HCN1: variants seen among roughly 807,000 people sequenced by gnomAD.
HCN1 encodes potassium/sodium hyperpolarization-activated cyclic nucleotide-gated channel 1.
Under a neutral mutation model 78.9 loss-of-function variants are expected in HCN1, and 13 were observed. The observed-to-expected ratio is 0.16, with a 90% CI of 0.11 to 0.26. The LOEUF (loss-of-function observed/expected upper bound fraction) is 0.26, where lower values mean the gene tolerates loss of function less well. Ranked by LOEUF, HCN1 falls within the 10% of genes least tolerant of loss-of-function variation. The pLI is 1.00. For missense variants in HCN1, 810 were observed against 1,154.3 expected, an observed-to-expected ratio of 0.70 and a Z score of 4.32; for synonymous variants, 552 against 455.5, an observed-to-expected ratio of 1.21 and a Z score of -2.70.
intron 1 of HCN1, among the ~76,000 whole-genome samples, chr5:45,650,970 G>A (rs1485200475): frequency 2.6e-5 from 4 of 151,558 alleles, no homozygotes; most frequent in East Asian, 1.9e-4. Context: ...TTAAATAATC[G>A]TCATACTTTA....
intron 4 of HCN1, among the ~76,000 whole-genome samples, chr5:45,386,952 G>C (rs1012983083): frequency 6.6e-6 from 1 of 151,956 alleles, no homozygotes; most frequent in Admixed American, 6.6e-5. Context: ...CAGTAAGTGG[G>C]AGACAGCAAG....
chr5:45,396,445 T>C, intron 4 of HCN1, 47 bp downstream of exon 4: 4 of 1,440,662 alleles, frequency 2.8e-6, no homozygotes, highest in Non-Finnish European at 3.9e-6. Flanking sequence ...AATTTACTGG[T>C]TCAGGTTAGC....
At chr5:45,468,651 G>T (rs996575181) in intron 2 of HCN1, among the ~76,000 whole-genome samples, 1 of 151,838 alleles carries the variant, frequency 6.6e-6, no homozygotes, top group Non-Finnish European at 1.5e-5. Flanking sequence ...GTTTTTTATG[G>T]AAACTTGTTA....
chr5:45,601,007 A>G (rs1327816891), intron 2 of HCN1, among the ~76,000 whole-genome samples: 1 of 152,150 alleles, frequency 6.6e-6, no homozygotes, highest in Non-Finnish European at 1.5e-5. Flanking sequence ...TATAAAGGAT[A>G]TGGGAGATTG....
chr5:45,375,202 ATTT>A (rs1685590065), intron 4 of HCN1, among the ~76,000 whole-genome samples: 1 of 119,042 alleles, frequency 8.4e-6, no homozygotes, highest in Non-Finnish European at 1.6e-5. Flanking sequence ...ATAATATAAT[ATTT>A]TATAATATAT....
chr5:45,402,542 G>T (rs1739836780), intron 3 of HCN1, among the ~76,000 whole-genome samples: 1 of 152,038 alleles, frequency 6.6e-6, no homozygotes. Context: ...AAAATCCTGA[G>T]GTAGAGGAAG....
chr5:45,666,680 A>G (rs1395898005), intron 1 of HCN1, among the ~76,000 whole-genome samples: 3 of 151,968 alleles, frequency 2.0e-5, no homozygotes, highest in African/African-American at 7.3e-5. Context: ...CAGGGATCAC[A>G]TCTATCTCTA....
chr5:45,425,331 T>G (rs1740323125), intron 3 of HCN1, among the ~76,000 whole-genome samples: 2 of 152,214 alleles, frequency 1.3e-5, no homozygotes, highest in South Asian at 4.1e-4. Flanking sequence ...AGAAATTCAT[T>G]TATTTGATCA....
intron 2 of HCN1, among the ~76,000 whole-genome samples, chr5:45,498,404 A>C (rs1363347608): frequency 1.3e-5 from 2 of 151,880 alleles, no homozygotes; most frequent in Admixed American, 1.3e-4. Flanking sequence ...TGCATTCTTC[A>C]TGTAGTTCTC....
chr5:45,305,871 GAGGAAGGA>G (rs371250856), intron 5 of HCN1, among the ~76,000 whole-genome samples: 17 of 149,012 alleles, frequency 1.1e-4, no homozygotes, highest in African/African-American at 2.5e-4. Context: ...AGGAGGGAGG[GAGGAAGGA>G]AGGAAGGAAG....
intron 7 of HCN1, among the ~76,000 whole-genome samples, chr5:45,263,442 A>C (rs1421947576): frequency 1.3e-5 from 2 of 152,164 alleles, no homozygotes; most frequent in East Asian, 3.9e-4. Context: ...ATGGAAAATG[A>C]ACCAACTGCC....
intron 3 of HCN1, among the ~76,000 whole-genome samples, chr5:45,445,421 G>A (rs1740769905): frequency 6.6e-6 from 1 of 152,208 alleles, no homozygotes; most frequent in Non-Finnish European, 1.5e-5. Flanking sequence ...GCTCAAGGAG[G>A]CCTGCCTGCC....
At chr5:45,667,445 C>A (rs1367484035) in intron 1 of HCN1, among the ~76,000 whole-genome samples, 3 of 151,800 alleles carry the variant, frequency 2.0e-5, no homozygotes, top group African/African-American at 4.8e-5. Context: ...GACTTACAAC[C>A]CCCATCACAC....
chr5:45,624,827 T>C (rs1054419770), intron 2 of HCN1, among the ~76,000 whole-genome samples: 13 of 151,918 alleles, frequency 8.6e-5, no homozygotes, highest in Admixed American at 4.6e-4. Flanking sequence ...GGAACAAGTC[T>C]AGATGGTACC....
In HCN1 at chr5:45,605,026, A is replaced by G. The variant is rs577361084; in HGVS notation, c.849+40159T>C. ...TTTTCAGGTATATTACCTGCTATTA[A>G]CATTGCAGATTTTATACACTGAAGG... On this transcript the variant is annotated intron_variant, in intron 2 of 7. Transcript: ENST00000303230. Among the ~76,000 whole-genome samples, 6 of 152,154 alleles carry G rather than the reference A, an allele frequency of 3.9e-5. 1 individual carries two copies. The highest frequency in any genetic ancestry group is 1.4e-4 in the African/African-American group (6 of 41,552).
intron 2 of HCN1, among the ~76,000 whole-genome samples, chr5:45,591,995 A>ATT (rs761458202): frequency 1.2e-4 from 18 of 146,700 alleles, no homozygotes; most frequent in African/African-American, 4.2e-4. Flanking sequence ...TAGATAGATT[A>ATT]TTTTTTTTTT....
rs578038574 is a variant in HCN1 at position 45,399,728 on chromosome 5, A to G, written c.1012-3018T>C. 2.0e-5 allele frequency among the ~76,000 whole-genome samples: 3 copies of G among 152,286 alleles called. No individual in the cohort carries two copies. The South Asian group carries it at 6.2e-4, about 32-fold the overall frequency. On this transcript the variant is annotated intron_variant, in intron 3 of 7. Transcript: ENST00000303230. ...TAGTTGCTAAAAAATAAAGAAAATA[A>G]CTAGCCCCATTTAGCTGAAAGGATT... is the stretch of plus-strand genomic sequence containing the variant.
intron 2 of HCN1, among the ~76,000 whole-genome samples, chr5:45,473,414 A>G (rs1741447162): frequency 6.6e-6 from 1 of 151,862 alleles, no homozygotes; most frequent in African/African-American, 2.4e-5. Context: ...GCTTACCTCA[A>G]TCATGAGAAT....
intron 2 of HCN1, among the ~76,000 whole-genome samples, chr5:45,493,376 T>C (rs1004850448): frequency 3.9e-5 from 6 of 152,020 alleles, no homozygotes; most frequent in Non-Finnish European, 5.9e-5. Flanking sequence ...TTAAATATAA[T>C]TTTCTAATGT....
Sources: allele counts gnomAD v4.1 joint callset (sites outside exome capture counted in the v4.1 genomes callset), GRCh38; gene constraint gnomAD v4.1.1; transcripts MANE v1.5; gene names NCBI Gene and HGNC (gene_info 2026-07-23, HGNC 2026-07-21).